Variants in APP observed in about 807,000 individuals in gnomAD.
APP encodes amyloid beta precursor protein, also known as amyloid-beta precursor protein.
A neutral mutation model predicts 101.4 loss-of-function variants in APP; 31 were observed. The ratio of observed to expected loss-of-function variants is 0.31; its 90% CI spans 0.23 to 0.41. APP has a LOEUF of 0.41. Ranked by LOEUF, APP falls within the 10% of genes least tolerant of loss-of-function variation. APP has a pLI of 1.00. For synonymous variants in APP, 366 were observed against 364.4 expected (o/e 1.00, Z -0.05); for missense variants, 839 against 1,003.7 (o/e 0.84, Z 2.22).
intron 3 of APP, among the ~76,000 whole-genome samples, chr21:26,081,461 A>G (rs1264452735): frequency 6.6e-6 from 1 of 152,154 alleles, no homozygotes; most frequent in African/African-American, 2.4e-5. Flanking sequence ...GAGCCAGAAG[A>G]AGGAATTTCA....
At chr21:26,055,981 T>C (rs1309871460) in intron 3 of APP, among the ~76,000 whole-genome samples, 1 of 152,220 alleles carries the variant, frequency 6.6e-6, no homozygotes. Context: ...AATGCAAAGC[T>C]AAAGTTACCA....
intron 16 of APP, among the ~76,000 whole-genome samples, chr21:25,895,842 C>A (rs1407526577): frequency 6.6e-6 from 1 of 152,140 alleles, no homozygotes; most frequent in Non-Finnish European, 1.5e-5. Context: ...AAATACAAGT[C>A]TGGACATATG....
intron 2 of APP, among the ~76,000 whole-genome samples, chr21:26,110,663 A>T (rs2062297139): frequency 6.6e-6 from 1 of 152,092 alleles, no homozygotes; most frequent in Non-Finnish European, 1.5e-5. Flanking sequence ...AAAACAAATT[A>T]AACCTTTTAA....
intron 1 of APP, chr21:26,140,086 G>A (rs2063008361): frequency 1.7e-6 from 2 of 1,171,704 alleles, no homozygotes; most frequent in African/African-American, 3.0e-5. Context: ...ATTACTGTCT[G>A]AGAACAGAGT....
chr21:25,995,344 A>C (rs1325082156), intron 8 of APP, among the ~76,000 whole-genome samples: 4 of 152,160 alleles, frequency 2.6e-5, no homozygotes, highest in Non-Finnish European at 5.9e-5. Flanking sequence ...TCCTCTTTTC[A>C]CTGTTTTCTG....
intron 1 of APP, among the ~76,000 whole-genome samples, chr21:26,168,060 C>G (rs2063656367): frequency 1.3e-5 from 2 of 152,046 alleles, no homozygotes; most frequent in South Asian, 4.2e-4. Flanking sequence ...AAACCCTCAA[C>G]AGAGGGAAAT....
At chr21:25,923,315 C>T (rs1430621699) in intron 13 of APP, among the ~76,000 whole-genome samples, 19 of 147,366 alleles carry the variant, frequency 1.3e-4, no homozygotes, top group African/African-American at 4.0e-4. Context: ...AGGACATAGG[C>T]GTGGGCAAGG....
chr21:26,008,353 G>A (rs1169370480), intron 6 of APP, among the ~76,000 whole-genome samples: 1 of 152,154 alleles, frequency 6.6e-6, no homozygotes, highest in Non-Finnish European at 1.5e-5. Context: ...TTTGTTATGG[G>A]AATAAACTTG....
chr21:25,955,869 G>A (rs1420766533), intron 11 of APP, 114 bp from the exon 12 acceptor site: 2 of 1,473,608 alleles, frequency 1.4e-6, no homozygotes, highest in African/African-American at 2.8e-5. Flanking sequence ...CGTACTGTGA[G>A]TCACCTTTTT....
At chr21:26,068,759 T>C (rs563540570) in intron 3 of APP, among the ~76,000 whole-genome samples, 2 of 149,776 alleles carry the variant, frequency 1.3e-5, no homozygotes, top group Admixed American at 1.3e-4. Flanking sequence ...CCTCTTTTCA[T>C]AATTCTGATT....
chr21:25,895,235 G>A (rs2037961372), intron 16 of APP, among the ~76,000 whole-genome samples: 1 of 150,188 alleles, frequency 6.7e-6, no homozygotes, highest in Non-Finnish European at 1.5e-5. Context: ...GTGCGATCTC[G>A]GCTCACTGCA....
intron 1 of APP, among the ~76,000 whole-genome samples, chr21:26,112,733 C>T (rs1601494104): frequency 1.3e-5 from 2 of 152,254 alleles, no homozygotes; most frequent in South Asian, 4.2e-4. Context: ...TCCTGGTTTC[C>T]CCCAGAATAT....
At chr21:26,152,191 G>A (rs956853587) in intron 1 of APP, among the ~76,000 whole-genome samples, 4 of 148,174 alleles carry the variant, frequency 2.7e-5, no homozygotes, top group African/African-American at 7.5e-5. Flanking sequence ...AGGCTGAGGC[G>A]GGAGAATGGC....
At chr21:25,887,430 T>C (rs1052113899) in intron 17 of APP, among the ~76,000 whole-genome samples, 2 of 151,432 alleles carry the variant, frequency 1.3e-5, no homozygotes, top group African/African-American at 4.9e-5. Flanking sequence ...AGTTACCTCC[T>C]TGGGAAAGCG....
chr21:26,147,551 A>C (rs1033800445), intron 1 of APP, among the ~76,000 whole-genome samples: 10 of 152,214 alleles, frequency 6.6e-5, no homozygotes, highest in Non-Finnish European at 1.5e-4. Context: ...TTTAGACCCA[A>C]GTATTTTAGT....
chr21:25,896,157 GATCTT>G (rs2038029756), intron 16 of APP, among the ~76,000 whole-genome samples: 1 of 152,014 alleles, frequency 6.6e-6, no homozygotes. Flanking sequence ...GAGAAACCCT[GATCTT>G]ATAACAACTG....
chr21:26,004,714 A>T (rs530008484), intron 6 of APP, among the ~76,000 whole-genome samples: 5 of 152,350 alleles, frequency 3.3e-5, no homozygotes, highest in Middle Eastern at 6.8e-3. Context: ...CAGGTTTGTT[A>T]CATAGGTATA....
intron 1 of APP, among the ~76,000 whole-genome samples, chr21:26,112,728 G>C (rs540313393): frequency 1.1e-4 from 16 of 152,246 alleles, no homozygotes; most frequent in Admixed American, 5.9e-4. Context: ...ATCCCTCCTG[G>C]TTTCCCCCAG....
intron 5 of APP, among the ~76,000 whole-genome samples, chr21:26,046,907 G>A (rs1284748692): frequency 3.3e-5 from 5 of 152,084 alleles, no homozygotes; most frequent in South Asian, 2.1e-4. Flanking sequence ...TCTTACCCAC[G>A]ATGGCTGGAG....
Sources: allele counts gnomAD v4.1 joint callset (sites outside exome capture counted in the v4.1 genomes callset), GRCh38; gene constraint gnomAD v4.1.1; transcripts MANE v1.5; gene names NCBI Gene and HGNC (gene_info 2026-07-23, HGNC 2026-07-21).